The following CHD9 variants were observed in gnomAD, a reference collection of about 807,000 sequenced individuals.
The protein encoded by CHD9 is chromodomain helicase DNA binding protein 9, also known as ATP-dependent chromatin remodeler CHD9.
CHD9 carries 77 observed loss-of-function variants against 316.1 expected under a neutral mutation model. The ratio of observed to expected loss-of-function variants is 0.24; its 90% confidence interval spans 0.20 to 0.29. The LOEUF (loss-of-function observed/expected upper bound fraction) is 0.29. Among genes scored for constraint, CHD9 ranks in the 10% least tolerant of loss-of-function variants. CHD9 has a pLI of 1.00. For synonymous variants in CHD9, 1,129 were observed against 1,158.3 expected (o/e 0.97, Z 0.51); for missense variants, 2,763 against 3,438.1 (o/e 0.80, Z 4.91).
At chr16:53,199,532 G>A (rs1022363692) in intron 2 of CHD9, among the ~76,000 whole-genome samples, 5 of 152,028 alleles carry the variant, frequency 3.3e-5, no homozygotes, top group African/African-American at 9.7e-5. Context: ...TGAAGTTTGG[G>A]CATTTAGTGT....
chr16:53,226,394 G>GA lies in CHD9; in HGVS notation c.1932dup (p.Tyr645IlefsTer11). 1.3e-6 allele frequency: 2 copies of GA among 1,575,860 alleles called. No homozygotes were observed. Among genetic ancestry groups the GA allele is most frequent in the South Asian group, 1.2e-5 (1 of 83,590 alleles). ...AGAAGATCAAATCGACAAATTAAAA[G>GA]AAAAAAATACGCAGAAGATATAGAA... On this transcript the variant is annotated frameshift_variant, in exon 5 of 39. Coordinates refer to ENST00000447540, the MANE Select transcript of CHD9 (RefSeq NM_001308319.2). LOFTEE classifies it high-confidence loss of function.
intron 36 of CHD9, among the ~76,000 whole-genome samples, chr16:53,316,909 A>G (rs903800375): frequency 1.3e-5 from 2 of 152,114 alleles, no homozygotes; most frequent in Admixed American, 1.3e-4. Context: ...TAGAATTATT[A>G]AGAAGATGGC....
At chr16:53,114,691 C>G (rs79060936) in intron 1 of CHD9, among the ~76,000 whole-genome samples, 1 of 152,174 alleles carries the variant, frequency 6.6e-6, no homozygotes, top group East Asian at 1.9e-4. Flanking sequence ...GGGTTCACGC[C>G]ATTCTCCTGT....
At chr16:53,180,970 C>T (rs1156794335) in intron 2 of CHD9, among the ~76,000 whole-genome samples, 4 of 151,982 alleles carry the variant, frequency 2.6e-5, no homozygotes, top group Non-Finnish European at 5.9e-5. Flanking sequence ...CCACCTCGCC[C>T]AGCCTGAAAC....
chr16:53,327,482 A>T lies in CHD9; in HGVS notation c.*2587A>T, dbSNP rs1193840342. 1 of 152,582 alleles carries T rather than the reference A, an allele frequency of 6.6e-6. No individual in the cohort carries two copies. The highest frequency in any genetic ancestry group is 2.4e-5 in the African/African-American group (1 of 41,450). The allele number at this position is 152,582 out of a possible 1,614,324, so 9.5% of individuals were successfully genotyped here. On this transcript the variant is annotated 3_prime_UTR_variant, in exon 39 of 39. Coordinates refer to ENST00000447540, the MANE Select transcript of CHD9 (RefSeq NM_001308319.2). ...GAAGTTTAATTATTTTTTATTAAAC[A>T]TATTCTTTGACTACCCATGATGTCA...
At chr16:53,291,125 C>T (rs1329888862) in intron 27 of CHD9, among the ~76,000 whole-genome samples, 3 of 151,968 alleles carry the variant, frequency 2.0e-5, no homozygotes, top group African/African-American at 7.3e-5. Flanking sequence ...TAAAAGCAAC[C>T]AGAGAAAAAG....
chr16:53,223,253 T>G (rs1331946116), intron 4 of CHD9, among the ~76,000 whole-genome samples: 1 of 50,934 alleles, frequency 2.0e-5, no homozygotes, highest in Non-Finnish European at 3.7e-5. Flanking sequence ...CATTTTGCCT[T>G]TTTTTTTTTT....
chr16:53,235,095 T>C (rs2048508716), intron 10 of CHD9, 90 bp from the exon 11 acceptor site: 2 of 1,055,080 alleles, frequency 1.9e-6, no homozygotes, highest in Non-Finnish European at 2.7e-6. Context: ...CTGTTATGCC[T>C]CTTAGGGTTA....
At chr16:53,283,849 A>G (rs1283174701) in intron 24 of CHD9, among the ~76,000 whole-genome samples, 5 of 152,178 alleles carry the variant, frequency 3.3e-5, no homozygotes, top group African/African-American at 1.2e-4. Context: ...AATTCGTTCA[A>G]GAATCTACAG....
chr16:53,231,719 G>A lies in CHD9; in HGVS notation c.2446G>A (p.Val816Ile). ...EDSTWELKED[V>I]DLAKIEEFEQ... ...TAGTACTTGGGAACTAAAAGAAGAT[G>A]TAGATCTTGCAAAAATAGAAGAGTT... Residue 816 changes from valine (V) to isoleucine (I), a missense_variant, in exon 10 of 39, where the codon GTA becomes ATA. Transcript: ENST00000447540. The A allele has an allele frequency of 6.2e-7, 1 of 1,611,952 alleles. No individual in the cohort carries two copies. Among genetic ancestry groups the A allele is most frequent in the Non-Finnish European group, 8.5e-7 (1 of 1,178,530 alleles).
chr16:53,081,676 C>T (rs1288891820), intron 1 of CHD9, among the ~76,000 whole-genome samples: 2 of 152,134 alleles, frequency 1.3e-5, no homozygotes, highest in East Asian at 1.9e-4. Context: ...CAGCCTCAAA[C>T]TCCTGGGCTC....
chr16:53,220,516 C>A (rs573818705), intron 3 of CHD9, among the ~76,000 whole-genome samples: 4 of 152,290 alleles, frequency 2.6e-5, no homozygotes, highest in Admixed American at 1.3e-4. Flanking sequence ...GCCTTATCAT[C>A]GGTTTCCCTT....
intron 38 of CHD9, among the ~76,000 whole-genome samples, chr16:53,322,001 T>TTTTTC (rs2057303978): frequency 1.6e-5 from 1 of 63,522 alleles, no homozygotes; most frequent in African/African-American, 6.3e-5. Flanking sequence ...TTTCTTTTTC[T>TTTTTC]TTTTTTTTTT....
At chr16:53,238,064 A>G (rs572296438) in intron 11 of CHD9, among the ~76,000 whole-genome samples, 2 of 152,284 alleles carry the variant, frequency 1.3e-5, no homozygotes, top group East Asian at 3.9e-4. Flanking sequence ...ATGATTCCTG[A>G]ACAAATAATA....
intron 34 of CHD9, among the ~76,000 whole-genome samples, chr16:53,310,227 C>T (rs372119522): frequency 3.3e-5 from 5 of 152,298 alleles, no homozygotes; most frequent in African/African-American, 1.2e-4. Context: ...ATCACCCATG[C>T]TTCTATTACT....
intron 1 of CHD9, among the ~76,000 whole-genome samples, chr16:53,154,045 A>G (rs1304083450): frequency 6.6e-6 from 1 of 152,264 alleles, no homozygotes; most frequent in African/African-American, 2.4e-5. Flanking sequence ...CTTACTGGAT[A>G]CAGAGTTAAT....
At chr16:53,184,897 TTCTC>T (rs1251722248) in intron 2 of CHD9, among the ~76,000 whole-genome samples, 1 of 152,130 alleles carries the variant, frequency 6.6e-6, no homozygotes, top group African/African-American at 2.4e-5. Flanking sequence ...GGCTGTCATT[TTCTC>T]TCTCCTGCCA....
chr16:53,313,468 G>A (rs1349325975), intron 34 of CHD9, among the ~76,000 whole-genome samples: 2 of 151,922 alleles, frequency 1.3e-5, no homozygotes, highest in Non-Finnish European at 1.5e-5. Flanking sequence ...ACCACGCCCA[G>A]CTAATTTTTG....
At chr16:53,082,932 C>T (rs2035156108) in intron 1 of CHD9, among the ~76,000 whole-genome samples, 1 of 152,232 alleles carries the variant, frequency 6.6e-6, no homozygotes, top group African/African-American at 2.4e-5. Flanking sequence ...CCCTGCTGAA[C>T]TGTGGTTTCC....
Sources: gnomAD v4.1 joint callset for allele counts (sites outside exome capture counted in the v4.1 genomes callset) on GRCh38, gnomAD v4.1.1 for gene constraint, MANE v1.5 for transcripts, NCBI Gene and HGNC (gene_info 2026-07-23, HGNC 2026-07-21) for gene names.